Variants in MKLN1 observed in about 807,000 individuals in gnomAD.
MKLN1 encodes muskelin 1, also known as muskelin.
MKLN1 carries 18 observed loss-of-function variants against 99.0 expected under a neutral mutation model. The ratio of observed to expected loss-of-function variants is 0.18; its 90% CI spans 0.13 to 0.27. The LOEUF is 0.27. Ranked by LOEUF, MKLN1 falls within the 10% of genes least tolerant of loss-of-function variation. The probability of loss-of-function intolerance (pLI) is 1.00; values close to 1 mark genes in which losing one functional copy is unlikely to be tolerated. For synonymous variants in MKLN1, 288 were observed against 293.2 expected (o/e 0.98, Z 0.18); for missense variants, 621 against 875.9 (o/e 0.71, Z 3.67).
chr7:131,399,513 C>A (rs1413639153), intron 6 of MKLN1, 80 bp downstream of exon 6: 4 of 1,157,278 alleles, frequency 3.5e-6, no homozygotes, highest in Non-Finnish European at 5.0e-6. Context: ...TAGGCTTATG[C>A]CAGTTATTAC....
chr7:131,140,679 T>G (rs1360279803), intron 1 of MKLN1, among the ~76,000 whole-genome samples: 1 of 152,180 alleles, frequency 6.6e-6, no homozygotes, highest in Non-Finnish European at 1.5e-5. Flanking sequence ...TTATACGGCC[T>G]GCAGAACTGT....
chr7:131,135,101 A>C (rs1019523189), intron 1 of MKLN1, among the ~76,000 whole-genome samples: 2 of 152,154 alleles, frequency 1.3e-5, no homozygotes, highest in Non-Finnish European at 2.9e-5. Context: ...TGGTTCTAGG[A>C]AAAGAATCCA....
intron 2 of MKLN1, 24 bp downstream of exon 2, chr7:131,375,517 T>C: frequency 6.8e-7 from 1 of 1,468,928 alleles, no homozygotes; most frequent in Non-Finnish European, 9.5e-7. Context: ...TATCCCTTAA[T>C]GCTGTTTAGA....
At position 131,192,324 on chromosome 7, in the gene MKLN1, CAATATATAAATATATAAAATAT is replaced by C. The variant is rs1796574674; in HGVS notation, c.-296-10524_-296-10503del. Among the ~76,000 whole-genome samples the C allele has an allele frequency of 7.6e-5, 5 of 65,640 alleles. 1 individual carries two copies. The highest frequency in any genetic ancestry group is 3.7e-4 in the African/African-American group (5 of 13,678). The allele number at this position is 65,640 out of a possible 152,430, so 43.1% of individuals were successfully genotyped here. On this transcript the variant is annotated intron_variant, in intron 2 of 7. Transcript: ENST00000416992. The stretch of plus-strand genomic sequence containing the variant: ...ATAAATATATAAAATATAATATATA[CAATATATAAATATATAAAATAT>C]AATATATACAATATATAAATATATA...
chr7:131,147,354 A>C (rs888070299), intron 2 of MKLN1, among the ~76,000 whole-genome samples: 1 of 151,658 alleles, frequency 6.6e-6, no homozygotes, highest in African/African-American at 2.4e-5. Flanking sequence ...CACTGCCCCC[A>C]GCCGTTGATG....
chr7:131,327,910 G>A lies in MKLN1; in HGVS notation c.11G>A (p.Gly4Asp), dbSNP rs1448664078. The A allele has an allele frequency of 1.2e-6, 2 of 1,612,452 alleles. No individual in the cohort carries two copies. Among genetic ancestry groups the A allele is most frequent in the Non-Finnish European group, 1.7e-6 (2 of 1,179,766 alleles). Reference protein sequence around the residue: MAAGGAVAAAPECR... With the variant: MAADGAVAAAPECR... ...TACGGTGCTGACAAGATGGCGGCTG[G>A]CGGAGCTGTCGCTGCGGCGCCCGAG... Residue 4 changes from glycine to aspartate, a missense_variant, in exon 1 of 18, where the codon GGC becomes GAC. Gly to Asp is a moderately conservative substitution (Grantham distance 94). Transcript: ENST00000352689.
At chr7:131,270,990 T>C (rs1349834886) in intron 3 of MKLN1, among the ~76,000 whole-genome samples, 1 of 152,182 alleles carries the variant, frequency 6.6e-6, no homozygotes, top group Admixed American at 6.5e-5. Flanking sequence ...TATTCATTCA[T>C]TTGTTCAATA....
chr7:131,343,383 TA>T (rs1799465665), intron 1 of MKLN1, among the ~76,000 whole-genome samples: 1 of 152,202 alleles, frequency 6.6e-6, no homozygotes, highest in African/African-American at 2.4e-5. Flanking sequence ...GTGGTGTTCT[TA>T]TCCTTATTTC....
chr7:131,376,150 T>TGTA (rs1246594429), intron 2 of MKLN1, among the ~76,000 whole-genome samples: 4 of 111,460 alleles, frequency 3.6e-5, no homozygotes, highest in South Asian at 3.0e-4. Flanking sequence ...GATGTATGTA[T>TGTA]TTTTTTTTCT....
chr7:131,483,559 A>G (rs976384792), intron 17 of MKLN1, among the ~76,000 whole-genome samples: 1 of 152,240 alleles, frequency 6.6e-6, no homozygotes. Flanking sequence ...TTCATGGTCA[A>G]CATCACTCTA....
At chr7:131,156,363 TA>T (rs1795964034) in intron 2 of MKLN1, among the ~76,000 whole-genome samples, 2 of 124,152 alleles carry the variant, frequency 1.6e-5, no homozygotes, top group Admixed American at 1.1e-4. Flanking sequence ...CCGTCTCTAC[TA>T]AAAAATACAA....
At chr7:131,297,550 A>C (rs1798311563) in intron 3 of MKLN1, among the ~76,000 whole-genome samples, 2 of 151,538 alleles carry the variant, frequency 1.3e-5, no homozygotes, top group South Asian at 4.2e-4. Flanking sequence ...TGTAGATTTT[A>C]GTATATATAG....
chr7:131,455,772 A>G (rs1421700241), intron 12 of MKLN1, among the ~76,000 whole-genome samples: 2 of 152,170 alleles, frequency 1.3e-5, no homozygotes, highest in African/African-American at 4.8e-5. Flanking sequence ...TTGGCCAGGC[A>G]TGGTGGCTCT....
intron 1 of MKLN1, among the ~76,000 whole-genome samples, chr7:131,344,335 T>C (rs1182808341): frequency 6.6e-6 from 1 of 152,230 alleles, no homozygotes; most frequent in East Asian, 1.9e-4. Context: ...TATAGGATCC[T>C]ATGTCCCATG....
At chr7:131,399,162 AT>A in intron 5 of MKLN1, 78 bp from the exon 6 acceptor site, 1 of 1,246,696 alleles carries the variant, frequency 8.0e-7, no homozygotes, top group Non-Finnish European at 1.2e-6. Context: ...TAGATTAGTT[AT>A]TTTTACTGTT....
At chr7:131,475,044 C>T (rs1276102512) in intron 16 of MKLN1, among the ~76,000 whole-genome samples, 2 of 152,068 alleles carry the variant, frequency 1.3e-5, no homozygotes, top group African/African-American at 4.8e-5. Flanking sequence ...GAAATTGGCC[C>T]CTGTGATCCA....
chr7:131,309,327 C>T (rs184922785), intron 3 of MKLN1, among the ~76,000 whole-genome samples: 1 of 152,070 alleles, frequency 6.6e-6, no homozygotes, highest in Non-Finnish European at 1.5e-5. Flanking sequence ...TTATTTGGGA[C>T]AAGCTTGAGG....
At chr7:131,221,473 G>A (rs1347607356) in intron 3 of MKLN1, among the ~76,000 whole-genome samples, 1 of 149,874 alleles carries the variant, frequency 6.7e-6, no homozygotes, top group Non-Finnish European at 1.5e-5. Flanking sequence ...ACCAACTGAG[G>A]TTTCCATTCT....
chr7:131,175,620 G>A (rs572632254), intron 2 of MKLN1, among the ~76,000 whole-genome samples: 2 of 152,310 alleles, frequency 1.3e-5, no homozygotes, highest in Admixed American at 1.3e-4. Flanking sequence ...AATACAAATA[G>A]GCCGGGCCCA....
Sources: gnomAD v4.1 joint callset for allele counts (sites outside exome capture counted in the v4.1 genomes callset) on GRCh38, gnomAD v4.1.1 for gene constraint, MANE v1.5 for transcripts, NCBI Gene and HGNC (gene_info 2026-07-23, HGNC 2026-07-21) for gene names.